The following ANXA10 variants were observed in gnomAD, a reference collection of about 807,000 sequenced individuals.
ANXA10 encodes annexin A10, also known as annexin 14.
ANXA10 carries 49 observed loss-of-function variants against 53.5 expected under a neutral mutation model. The observed-to-expected ratio is 0.92, with a 90% CI of 0.73 to 1.16. ANXA10 has a LOEUF of 1.16. Ranked by LOEUF, ANXA10 falls within the 50% of genes most tolerant of loss-of-function variation. ANXA10 has a pLI of 0.00. For synonymous variants in ANXA10, 131 were observed against 128.9 expected, an observed-to-expected ratio of 1.02 and a Z score of -0.11; for missense variants, 393 against 394.4, an observed-to-expected ratio of 1.00 and a Z score of 0.03.
In ANXA10 at chr4:168,126,177, C is replaced by G. The variant is rs111410273; in HGVS notation, c.19-1907C>G. On this transcript the variant is annotated intron_variant, in intron 1 of 11. Transcript: ENST00000359299. ...TTCGAAAGGTATAAATTCTGGAAAA[C>G]TCCTAAAACAGTCTCTGACTGTCCA... Among the ~76,000 whole-genome samples the G allele has an allele frequency of 4.7e-3, 719 of 152,040 alleles. 6 individuals are homozygous for G. Among genetic ancestry groups the G allele is most frequent in the African/African-American group, 0.016 (666 of 41,488 alleles).
intron 1 of ANXA10, among the ~76,000 whole-genome samples, chr4:168,109,352 GT>G (rs1730766909): frequency 6.6e-6 from 1 of 152,170 alleles, no homozygotes; most frequent in African/African-American, 2.4e-5. Context: ...CTAGGCATAT[GT>G]GCTCAAGTTT....
At chr4:168,132,242 A>G (rs899756059) in intron 2 of ANXA10, among the ~76,000 whole-genome samples, 1 of 152,132 alleles carries the variant, frequency 6.6e-6, no homozygotes, top group Non-Finnish European at 1.5e-5. Context: ...TCAACAGATG[A>G]ATGGATAAGG....
chr4:168,160,849 C>T (rs6552514), intron 3 of ANXA10, among the ~76,000 whole-genome samples: 89,454 of 152,040 alleles, frequency 0.59, 27,211 homozygotes, highest in African/African-American at 0.71. Context: ...GTTGGCTGCA[C>T]GTCTGTCTTC....
chr4:168,110,083 T>C (rs1007915194), intron 1 of ANXA10, among the ~76,000 whole-genome samples: 3 of 151,954 alleles, frequency 2.0e-5, no homozygotes, highest in South Asian at 4.1e-4. Context: ...TGGTGGCGGG[T>C]GCCTGTAATC....
intron 1 of ANXA10, among the ~76,000 whole-genome samples, chr4:168,093,609 G>A (rs889326841): frequency 1.3e-5 from 2 of 152,046 alleles, no homozygotes; most frequent in Non-Finnish European, 2.9e-5. Context: ...CCCGGGAGGC[G>A]GAGCTTGCAG....
At chr4:168,101,839 G>A (rs552030442) in intron 1 of ANXA10, among the ~76,000 whole-genome samples, 8 of 152,022 alleles carry the variant, frequency 5.3e-5, no homozygotes, top group East Asian at 1.9e-4. Context: ...CCTACTTATC[G>A]ATTTCTCTGT....
At chr4:168,140,829 A>C (rs1333987745) in intron 3 of ANXA10, among the ~76,000 whole-genome samples, 1 of 152,192 alleles carries the variant, frequency 6.6e-6, no homozygotes, top group Non-Finnish European at 1.5e-5. Context: ...CATGTTAGCC[A>C]GGCTGGTCTC....
chr4:168,139,772 T>C (rs1027654105), intron 3 of ANXA10, among the ~76,000 whole-genome samples, 192 bp downstream of exon 3: 3 of 152,222 alleles, frequency 2.0e-5, no homozygotes, highest in Non-Finnish European at 4.4e-5. Flanking sequence ...CAAATATACA[T>C]GTGAGATATG....
intron 6 of ANXA10, among the ~76,000 whole-genome samples, chr4:168,166,457 G>C (rs1731879283): frequency 6.6e-6 from 1 of 152,056 alleles, no homozygotes; most frequent in Non-Finnish European, 1.5e-5. Context: ...ATTATCTCCT[G>C]TTTTATACAT....
At chr4:168,133,109 T>C (rs2038961469) in intron 2 of ANXA10, among the ~76,000 whole-genome samples, 1 of 152,112 alleles carries the variant, frequency 6.6e-6, no homozygotes, top group African/African-American at 2.4e-5. Context: ...TGACACAATT[T>C]TGCATTTTTA....
rs780881787 is a variant in ANXA10, at chr4:168,092,653, GC to G, written c.-47del. The G allele has an allele frequency of 2.6e-6, 4 of 1,557,740 alleles. No individual in the cohort carries two copies. Among genetic ancestry groups the G allele is most frequent in the Non-Finnish European group, 2.6e-6 (3 of 1,143,432 alleles). On this transcript the variant is annotated 5_prime_UTR_variant, in exon 1 of 12. It removes the in-frame stop codon of an upstream open reading frame in the 5' UTR. Coordinates refer to ENST00000359299, the MANE Select transcript of ANXA10 (RefSeq NM_007193.5). The stretch of plus-strand genomic sequence containing the variant: ...TGGCTTCACAGTGAAACAAGTTTAT[GC>G]AATCGATCAAATATTTTCATCCCTG...
At chr4:168,106,041 C>T (rs1730715225) in intron 1 of ANXA10, among the ~76,000 whole-genome samples, 2 of 151,740 alleles carry the variant, frequency 1.3e-5, no homozygotes, top group Admixed American at 6.6e-5. Flanking sequence ...GGATGTTTGA[C>T]CTTTGTCAGC....
rs1731103151 is a variant in ANXA10 at position 168,128,165 on chromosome 4, G to A, written c.100G>A (p.Asp34Asn). The A allele has an allele frequency of 1.9e-6, 3 of 1,609,942 alleles. No individual in the cohort carries two copies. The highest frequency in any genetic ancestry group is 2.5e-6 in the Non-Finnish European group (3 of 1,176,986). The change falls in exon 2 of 12, where the codon GAC becomes AAC. Residue 34 changes from aspartate (D) to asparagine (N), a missense_variant and splice_region_variant. By Grantham distance (23) the Asp-to-Asn change is conservative. Transcript: ENST00000359299. Reference sequence around the variant, plus strand: ...GCTAGGAGGAGCACTCCAAGGATTTGGTAAGTCTGATTATTTCTACCATCT... The same window carrying A: ...GCTAGGAGGAGCACTCCAAGGATTTAGTAAGTCTGATTATTTCTACCATCT... ...QMLGGALQGF[D>N]CDKDMLINIL...
intron 3 of ANXA10, among the ~76,000 whole-genome samples, chr4:168,156,808 T>A (rs1731693178): frequency 6.6e-6 from 1 of 151,974 alleles, no homozygotes; most frequent in African/African-American, 2.4e-5. Flanking sequence ...CGGCCCCTAT[T>A]TCTTGTTTTT....
intron 3 of ANXA10, among the ~76,000 whole-genome samples, chr4:168,146,721 A>C (rs1053413283): frequency 6.6e-6 from 1 of 152,176 alleles, no homozygotes; most frequent in Admixed American, 6.5e-5. Context: ...GAAGGACACA[A>C]AAGTTATCAG....
chr4:168,105,413 C>A (rs951500862), intron 1 of ANXA10, among the ~76,000 whole-genome samples: 1 of 152,054 alleles, frequency 6.6e-6, no homozygotes, highest in African/African-American at 2.4e-5. Context: ...TAATGGCCTC[C>A]AGCTCCATCC....
intron 3 of ANXA10, among the ~76,000 whole-genome samples, chr4:168,160,944 T>G (rs1044049321): frequency 6.6e-6 from 1 of 152,068 alleles, no homozygotes; most frequent in Admixed American, 6.6e-5. Flanking sequence ...CTTCTTAGAC[T>G]CACTCTGGTT....
chr4:168,160,101 G>A (rs1288399129), intron 3 of ANXA10, among the ~76,000 whole-genome samples: 1 of 152,076 alleles, frequency 6.6e-6, no homozygotes, highest in Non-Finnish European at 1.5e-5. Flanking sequence ...GAATATGCAG[G>A]TTTATTTCAC....
At chr4:168,103,278 T>C (rs951865362) in intron 1 of ANXA10, among the ~76,000 whole-genome samples, 21 of 152,028 alleles carry the variant, frequency 1.4e-4, no homozygotes, top group Non-Finnish European at 1.5e-4. Context: ...ATTTTTCTTC[T>C]AGAAGTTTTA....
Sources: allele counts gnomAD v4.1 joint callset (sites outside exome capture counted in the v4.1 genomes callset), GRCh38; gene constraint gnomAD v4.1.1; transcripts MANE v1.5; gene names NCBI Gene and HGNC (gene_info 2026-07-23, HGNC 2026-07-21).